IK: variants seen among roughly 807,000 people sequenced by gnomAD.
IK encodes the protein IK cytokine.
Under a neutral mutation model 90.9 loss-of-function variants are expected in IK, and 47 were observed. The ratio of observed to expected loss-of-function variants is 0.52; its 90% CI spans 0.41 to 0.66. IK has a LOEUF of 0.66. IK is among the 30% of genes least tolerant of loss of function. The pLI is 0.00. For synonymous variants in IK, 201 were observed against 227.5 expected, an observed-to-expected ratio of 0.88 and a Z score of 1.05; for missense variants, 385 against 709.3, an observed-to-expected ratio of 0.54 and a Z score of 5.19.
At position 140,653,002 on chromosome 5, in the gene IK, GA is replaced by G; in HGVS notation, c.265del (p.Ile89LeufsTer7). 1 of 1,613,846 alleles carries G rather than the reference GA, an allele frequency of 6.2e-7. No homozygotes were observed. The highest frequency in any genetic ancestry group is 8.5e-7 in the Non-Finnish European group (1 of 1,179,866). Reference protein sequence around the residue: ...KSYYAKLRQQEIERERELAEK... With the variant: ...KSYYAKLRQQXIERERELAEK... The stretch of plus-strand genomic sequence containing the variant: ...TTATTATGCCAAGCTACGCCAACAA[GA>G]AATTGAGAGAGAGAGAGAGCTAGCA... On this transcript the variant is annotated frameshift_variant, in exon 5 of 20. Transcript: ENST00000417647. LOFTEE classifies it high-confidence loss of function.
intron 14 of IK, 34 bp downstream of exon 14, chr5:140,659,868 G>T (rs1409337049): frequency 4.1e-6 from 6 of 1,471,448 alleles, no homozygotes; most frequent in African/African-American, 1.4e-5. Flanking sequence ...CTGGGTTCCA[G>T]AGAACTGGTC....
chr5:140,653,868 A>C, intron 5 of IK, 70 bp from the exon 6 acceptor site: 1 of 898,006 alleles, frequency 1.1e-6, no homozygotes, highest in Non-Finnish European at 1.8e-6. Context: ...CTCCCAGAGT[A>C]CTGGGATTAC....
At chr5:140,648,190 G>C (rs768494158) in intron 1 of IK, 2 of 704,554 alleles carry the variant, frequency 2.8e-6, no homozygotes, top group Non-Finnish European at 2.6e-6. Context: ...CCCCAGTCCT[G>C]TCCCCATACT....
intron 2 of IK, among the ~76,000 whole-genome samples, chr5:140,650,817 GATCCGCCTGC>G (rs1757602608): frequency 6.6e-6 from 1 of 152,100 alleles, no homozygotes; most frequent in South Asian, 2.1e-4. Flanking sequence ...GACCTCGGGT[GATCCGCCTGC>G]GTCAGCCTCC....
intron 15 of IK, 84 bp from the exon 16 acceptor site, chr5:140,660,674 A>C: frequency 3.8e-6 from 4 of 1,047,376 alleles, no homozygotes; most frequent in Non-Finnish European, 6.0e-6. Context: ...ATTCCTATGC[A>C]GATAACCTCT....
At chr5:140,648,192 C>G (rs528931052) in intron 1 of IK, 38 of 704,336 alleles carry the variant, frequency 5.4e-5, no homozygotes, top group Non-Finnish European at 9.3e-5. Flanking sequence ...CCAGTCCTGT[C>G]CCCATACTTA....
rs1221011063 is a variant in IK at position 140,648,036 on chromosome 5, GTGTGTGTGTATGTA to G, written c.16+116_16+129del. Reference sequence around the variant, plus strand: ...TGTGTGTGTGTGTGTGTGTGTGTGTGTGTGTGTGTATGTATGTATGTGTGACGCTTGAGCCCGGA... The same window carrying G: ...TGTGTGTGTGTGTGTGTGTGTGTGTGTGTATGTGTGACGCTTGAGCCCGGA... On this transcript the variant is annotated intron_variant, in intron 1 of 19. Coordinates refer to ENST00000417647, the MANE Select transcript of IK (RefSeq NM_006083.4). The G allele has an allele frequency of 0.023, 22,029 of 946,034 alleles. 245 individuals are homozygous for G. The highest frequency in any genetic ancestry group is 0.12 in the East Asian group (4,241 of 36,038). 58.6% of individuals were successfully genotyped at this position (946,034 alleles called of 1,614,324 possible). A position where few individuals can be genotyped will look rare whatever the true frequency, so the allele number is the denominator to read the frequency against.
chr5:140,654,186 A>G (rs1247391095), intron 6 of IK, 134 bp downstream of exon 6: 1 of 642,706 alleles, frequency 1.6e-6, no homozygotes, highest in African/African-American at 1.8e-5. Context: ...CCCTCTGAAA[A>G]GCTGATTGCT....
At chr5:140,654,145 C>T in intron 6 of IK, 93 bp downstream of exon 6, 2 of 750,798 alleles carry the variant, frequency 2.7e-6, no homozygotes, top group Non-Finnish European at 4.7e-6. Context: ...CCTGAGAGTT[C>T]AGACTGAGTA....
At chr5:140,649,610 A>G (rs984300592) in intron 2 of IK, among the ~76,000 whole-genome samples, 2 of 152,148 alleles carry the variant, frequency 1.3e-5, no homozygotes, top group African/African-American at 4.8e-5. Flanking sequence ...ATTTCTGCTC[A>G]CAGCAACCTT....
intron 2 of IK, among the ~76,000 whole-genome samples, chr5:140,649,152 T>C (rs1425768081): frequency 1.3e-5 from 2 of 149,694 alleles, no homozygotes; most frequent in East Asian, 4.1e-4. Flanking sequence ...TAAAATCATC[T>C]TTGATAACAT....
chr5:140,659,008 A>G lies in IK; in HGVS notation c.1020A>G (p.Arg340=), dbSNP rs548127518. The part of the protein sequence containing the change: ...TKTPRDKERE[R]YRERERDRER... ...CACCTCGGGACAAGGAGCGGGAGAG[A>G]TATCGGGAACGGGAGCGTGATCGGG... is the stretch of plus-strand genomic sequence containing the variant. Residue 340 remains arginine, a synonymous_variant, in exon 12 of 20, where the codon AGA becomes AGG. Coordinates refer to ENST00000417647, the MANE Select transcript of IK (RefSeq NM_006083.4). The G allele has an allele frequency of 1.9e-6, 3 of 1,613,732 alleles. No homozygotes were observed. In the East Asian group the frequency reaches 6.7e-5, roughly 36 times the overall value.
chr5:140,658,864 G>A (rs1325520133), intron 11 of IK, 75 bp from the exon 12 acceptor site: 1 of 1,600,366 alleles, frequency 6.2e-7, no homozygotes, highest in African/African-American at 1.3e-5. Context: ...GCTGACATGA[G>A]AATCTGGAGA....
At chr5:140,656,511 TTGGTTTCCGCACTTCCACTC>T (rs930115480) in intron 9 of IK, among the ~76,000 whole-genome samples, 56 of 144,014 alleles carry the variant, frequency 3.9e-4, no homozygotes, top group Non-Finnish European at 6.4e-4. Context: ...AGGCTTCTAA[TTGGTTTCCGCACTTCCACTC>T]TGGTTTCCGC....
chr5:140,649,785 G>A (rs1422109337), intron 2 of IK, among the ~76,000 whole-genome samples: 1 of 150,736 alleles, frequency 6.6e-6, no homozygotes, highest in Non-Finnish European at 1.5e-5. Flanking sequence ...TGCCCGTCTC[G>A]GCGGCCCAAA....
chr5:140,658,735 A>G lies in IK; in HGVS notation c.911-2A>G. 6.2e-7 allele frequency: 1 copy of G among 1,607,434 alleles called. No individual in the cohort carries two copies. Among genetic ancestry groups the G allele is most frequent in the Admixed American group, 1.7e-5 (1 of 59,286 alleles). ...TTCCTGACTCCTCTCTTTAAATTTC[A>G]GGGAAGCTGGAAGAGAAGAAACCTC... On this transcript the variant is annotated splice_acceptor_variant, in intron 10 of 19. Coordinates refer to ENST00000417647, the MANE Select transcript of IK (RefSeq NM_006083.4). LOFTEE classifies it high-confidence loss of function.
intron 2 of IK, among the ~76,000 whole-genome samples, chr5:140,650,765 G>A (rs1473226791): frequency 6.6e-6 from 1 of 152,068 alleles, no homozygotes; most frequent in African/African-American, 2.4e-5. Context: ...TTTTAGTAGA[G>A]ATGGGATATC....
At chr5:140,656,870 A>AT (rs936604244) in intron 9 of IK, among the ~76,000 whole-genome samples, 1 of 151,904 alleles carries the variant, frequency 6.6e-6, no homozygotes, top group Non-Finnish European at 1.5e-5. Context: ...CATTCTTTCT[A>AT]TTTTTTTGGT....
At position 140,657,566 on chromosome 5, in the gene IK, C is replaced by T. The variant is rs375224727; in HGVS notation, c.814C>T (p.Leu272=). Residue 272 remains leucine, a synonymous_variant, in exon 10 of 20, where the codon CTG becomes TTG. Coordinates refer to ENST00000417647, the MANE Select transcript of IK (RefSeq NM_006083.4). ...DCPTMEAQTT[L]TTNDIVISKL... ...TTGGTATTTTCAGGCCCAGACCACA[C>T]TGACCACAAATGACATTGTCATTAG... is the stretch of plus-strand genomic sequence containing the variant. 6.2e-7 allele frequency: 1 copy of T among 1,611,180 alleles called. No individual in the cohort carries two copies. Among genetic ancestry groups the T allele is most frequent in the Non-Finnish European group, 8.5e-7 (1 of 1,178,896 alleles).
Sources: allele counts gnomAD v4.1 joint callset (sites outside exome capture counted in the v4.1 genomes callset), GRCh38; gene constraint gnomAD v4.1.1; transcripts MANE v1.5; gene names NCBI Gene and HGNC (gene_info 2026-07-23, HGNC 2026-07-21).